Variants in ZFHX3 observed in about 807,000 individuals in gnomAD.
ZFHX3 encodes the protein zinc finger homeobox 3, also known as zinc finger homeobox protein 3.
Under a neutral mutation model 279.1 loss-of-function variants are expected in ZFHX3, and 42 were observed. That is an observed-to-expected ratio of 0.15 (90% CI 0.12 to 0.19). The LOEUF (loss-of-function observed/expected upper bound fraction) is 0.19. Among genes scored for constraint, ZFHX3 ranks in the 10% least tolerant of loss-of-function variants. ZFHX3 has a pLI of 1.00. For synonymous variants in ZFHX3, 2,293 were observed against 1,957.8 expected (o/e 1.17, Z -4.52); for missense variants, 4,981 against 4,754.0 (o/e 1.05, Z -1.40).
At chr16:73,495,235 A>G (rs1019113814) in intron 2 of ZFHX3, among the ~76,000 whole-genome samples, 2 of 152,338 alleles carry the variant, frequency 1.3e-5, no homozygotes, top group East Asian at 3.9e-4. Context: ...CAAATGTAAT[A>G]AACAATTTGA....
intron 2 of ZFHX3, among the ~76,000 whole-genome samples, chr16:73,601,137 T>A (rs1425445472): frequency 2.6e-5 from 4 of 151,984 alleles, no homozygotes; most frequent in Admixed American, 2.6e-4. Flanking sequence ...ATGTAAACAT[T>A]CTTGTACTGT....
intron 3 of ZFHX3, among the ~76,000 whole-genome samples, chr16:73,333,592 G>C: frequency 6.6e-6 from 1 of 152,128 alleles, no homozygotes. Context: ...TATAGGATGA[G>C]TTGACAAGGG....
chr16:73,271,286 T>C (rs997891634), intron 4 of ZFHX3, among the ~76,000 whole-genome samples: 4 of 152,234 alleles, frequency 2.6e-5, no homozygotes, highest in Admixed American at 2.6e-4. Flanking sequence ...TTTTGTTTTC[T>C]TCTAAGTCAG....
intron 2 of ZFHX3, among the ~76,000 whole-genome samples, chr16:73,604,709 C>T (rs1597023350): frequency 6.7e-6 from 1 of 149,938 alleles, no homozygotes; most frequent in African/African-American, 2.5e-5. Context: ...GGGACCACTG[C>T]ACTCCAACCT....
intron 3 of ZFHX3, among the ~76,000 whole-genome samples, chr16:72,890,895 G>A (rs954297472): frequency 6.6e-6 from 1 of 152,206 alleles, no homozygotes; most frequent in African/African-American, 2.4e-5. Context: ...AGTCCACAAA[G>A]TCTAGATTAT....
At chr16:73,833,410 T>C (rs953037636) in intron 1 of ZFHX3, among the ~76,000 whole-genome samples, 3 of 152,160 alleles carry the variant, frequency 2.0e-5, no homozygotes, top group African/African-American at 4.8e-5. Flanking sequence ...GGAAAAGGAA[T>C]ATAAAGCACA....
chr16:73,076,870 TG>T (rs1335746057), intron 8 of ZFHX3, among the ~76,000 whole-genome samples: 1 of 150,482 alleles, frequency 6.6e-6, no homozygotes, highest in East Asian at 1.9e-4. Flanking sequence ...AAAATATGTG[TG>T]TGTGTATATA....
chr16:73,315,219 G>GAAAAAAA (rs67349927), intron 4 of ZFHX3, among the ~76,000 whole-genome samples: 1 of 121,754 alleles, frequency 8.2e-6, no homozygotes, highest in Admixed American at 8.5e-5. Flanking sequence ...ATCTCAAAAA[G>GAAAAAAA]AAAAAAAAAA....
intron 7 of ZFHX3, among the ~76,000 whole-genome samples, chr16:73,105,448 T>TATATATATACACACACACAC (rs1966291104): frequency 1.0e-5 from 1 of 97,434 alleles, no homozygotes; most frequent in Non-Finnish European, 2.0e-5. Flanking sequence ...CACACACATA[T>TATATATATACACACACACAC]ATATATATAT....
intron 3 of ZFHX3, among the ~76,000 whole-genome samples, chr16:72,912,279 G>A (rs2039337963): frequency 6.6e-6 from 1 of 152,304 alleles, no homozygotes; most frequent in South Asian, 2.1e-4. Context: ...CTTGAAAGGA[G>A]AGGGTTAGTA....
intron 8 of ZFHX3, among the ~76,000 whole-genome samples, chr16:73,084,077 T>A (rs1329332144): frequency 6.6e-6 from 1 of 152,212 alleles, no homozygotes; most frequent in Non-Finnish European, 1.5e-5. Context: ...TATTTGGCAA[T>A]GCACAAGACA....
intron 1 of ZFHX3, among the ~76,000 whole-genome samples, chr16:73,839,076 CA>C (rs1380582399): frequency 1.3e-5 from 2 of 151,942 alleles, no homozygotes; most frequent in African/African-American, 4.8e-5. Flanking sequence ...TGGGTACTTG[CA>C]GCTCCCCTTA....
intron 8 of ZFHX3, among the ~76,000 whole-genome samples, chr16:73,067,837 C>G (rs952587801): frequency 6.6e-6 from 1 of 152,118 alleles, no homozygotes; most frequent in Non-Finnish European, 1.5e-5. Flanking sequence ...AAAGCTTCCC[C>G]CAAAGGAATA....
In ZFHX3 at chr16:72,958,078, T is replaced by C; in HGVS notation, c.2068A>G (p.Met690Val). 2 of 1,614,084 alleles carry C rather than the reference T, an allele frequency of 1.2e-6. No individual in the cohort carries two copies. The highest frequency in any genetic ancestry group is 1.7e-6 in the Non-Finnish European group (2 of 1,180,046). Reference protein sequence around the residue: ...YKYQQTLEAHMKEKHPEPGGS... With the variant: ...YKYQQTLEAHVKEKHPEPGGS... Reference sequence around the variant, plus strand: ...CCCGGCTCCGGGTGCTTCTCCTTCATGTGTGCCTCCAGGGTCTGCTGGTAC... The same window carrying C: ...CCCGGCTCCGGGTGCTTCTCCTTCACGTGTGCCTCCAGGGTCTGCTGGTAC... Residue 690 changes from methionine (M) to valine (V), a missense_variant, in exon 2 of 10, where the codon ATG (methionine) becomes GTG (valine). By Grantham distance (21) the Met-to-Val change is conservative (BLOSUM62 1). Transcript: ENST00000268489.
chr16:73,542,403 G>T (rs1158578445), intron 2 of ZFHX3, among the ~76,000 whole-genome samples: 3 of 152,018 alleles, frequency 2.0e-5, no homozygotes, highest in East Asian at 3.9e-4. Context: ...TTATACAACT[G>T]AGCTAAATGG....
chr16:72,969,396 C>T (rs1028815894), intron 1 of ZFHX3, among the ~76,000 whole-genome samples: 1 of 151,998 alleles, frequency 6.6e-6, no homozygotes, highest in Non-Finnish European at 1.5e-5. Context: ...GCCGTTTCCC[C>T]GTGACACTCA....
At chr16:73,012,972 T>C (rs1214765820) in intron 1 of ZFHX3, among the ~76,000 whole-genome samples, 3 of 152,166 alleles carry the variant, frequency 2.0e-5, no homozygotes, top group Admixed American at 6.5e-5. Context: ...CATAGCTCCA[T>C]CCTATGCACA....
At chr16:73,697,264 C>T (rs2053206244) in intron 1 of ZFHX3, among the ~76,000 whole-genome samples, 3 of 149,852 alleles carry the variant, frequency 2.0e-5, no homozygotes, top group Admixed American at 6.6e-5. Flanking sequence ...AAGTAGAGAT[C>T]ATGTGAGTGT....
intron 2 of ZFHX3, among the ~76,000 whole-genome samples, chr16:73,623,654 C>A (rs956395340): frequency 2.0e-5 from 3 of 152,078 alleles, no homozygotes; most frequent in Admixed American, 6.5e-5. Flanking sequence ...TGTGAAAAAT[C>A]GTGAAATATT....
Sources: allele counts gnomAD v4.1 joint callset (sites outside exome capture counted in the v4.1 genomes callset), GRCh38; gene constraint gnomAD v4.1.1; transcripts MANE v1.5; gene names NCBI Gene and HGNC (gene_info 2026-07-23, HGNC 2026-07-21).